The following USP25 variants were observed in gnomAD, a reference collection of about 807,000 sequenced individuals.
The protein encoded by USP25 is ubiquitin specific peptidase 25.
A neutral mutation model predicts 158.5 loss-of-function variants in USP25; 85 were observed. The observed-to-expected ratio is 0.54, with a 90% confidence interval of 0.45 to 0.64. The LOEUF (loss-of-function observed/expected upper bound fraction) is 0.64. Among genes scored for constraint, USP25 ranks in the 30% least tolerant of loss-of-function variants. The pLI, the probability that USP25 is intolerant of heterozygous loss-of-function variation, is 0.00. For synonymous variants in USP25, 464 were observed against 460.4 expected, an observed-to-expected ratio of 1.01 and a Z score of -0.10; for missense variants, 1,242 against 1,327.3, an observed-to-expected ratio of 0.94 and a Z score of 1.00.
rs1475810567 is a variant in USP25, at chr21:15,879,450, A to G, written c.*975A>G. On this transcript the variant is annotated 3_prime_UTR_variant, in exon 26 of 26. Coordinates refer to ENST00000400183, the MANE Select transcript of USP25 (RefSeq NM_001283041.3). ...CTTTAATTGAAAATGTTCTCTACTAATTAATACTGTGAAACAAAATTGATG... is the reference window on the plus strand; with the variant it reads ...CTTTAATTGAAAATGTTCTCTACTAGTTAATACTGTGAAACAAAATTGATG... The G allele has an allele frequency of 6.6e-6, 1 of 152,440 alleles. No homozygotes were observed. The highest frequency in any genetic ancestry group is 2.1e-4 in the South Asian group (1 of 4,834). The allele number at this position is 152,440 out of a possible 1,614,324, so 9.4% of individuals were successfully genotyped here. A position where few individuals can be genotyped will look rare whatever the true frequency, so the allele number is the denominator to read the frequency against.
intron 23 of USP25, among the ~76,000 whole-genome samples, chr21:15,871,099 A>G (rs887405385): frequency 6.6e-6 from 1 of 152,222 alleles, no homozygotes; most frequent in East Asian, 1.9e-4. Context: ...TCTAGAGGAC[A>G]GTACTTTCAT....
At chr21:15,867,486 A>G (rs528551069) in intron 22 of USP25, among the ~76,000 whole-genome samples, 1 of 152,242 alleles carries the variant, frequency 6.6e-6, no homozygotes, top group East Asian at 1.9e-4. Flanking sequence ...ACTGCAGCAA[A>G]TATATAGAAT....
At chr21:15,841,842 A>G (rs1294051785) in intron 17 of USP25, among the ~76,000 whole-genome samples, 1 of 152,046 alleles carries the variant, frequency 6.6e-6, no homozygotes, top group Non-Finnish European at 1.5e-5. Context: ...ACATTGTTGG[A>G]TATATAAGTC....
chr21:15,787,304 TGAACAAAAG>T (rs1205988151), intron 4 of USP25, among the ~76,000 whole-genome samples: 2 of 152,052 alleles, frequency 1.3e-5, no homozygotes, highest in Non-Finnish European at 2.9e-5. Flanking sequence ...AAAGCAAGCC[TGAACAAAAG>T]GAACAAAAGG....
At chr21:15,867,861 C>A (rs2039724731) in intron 22 of USP25, among the ~76,000 whole-genome samples, 1 of 151,982 alleles carries the variant, frequency 6.6e-6, no homozygotes, top group Non-Finnish European at 1.5e-5. Flanking sequence ...TAACAAAGAC[C>A]TAAATAAATG....
chr21:15,765,879 G>A, intron 2 of USP25, 118 bp from the exon 3 acceptor site: 2 of 939,212 alleles, frequency 2.1e-6, no homozygotes, highest in South Asian at 1.9e-5. Context: ...ATCACATATA[G>A]ATTAATTGCA....
intron 20 of USP25, among the ~76,000 whole-genome samples, chr21:15,853,346 TAC>T (rs762689867): frequency 5.1e-4 from 77 of 152,138 alleles, no homozygotes; most frequent in Middle Eastern, 6.8e-3. Flanking sequence ...CACATACATG[TAC>T]ACACACATGC....
intron 16 of USP25, 150 bp downstream of exon 16, chr21:15,831,779 A>G (rs1362785963): frequency 8.5e-6 from 6 of 704,592 alleles, no homozygotes; most frequent in African/African-American, 1.8e-5. Flanking sequence ...TTGAAAAGTA[A>G]TGTCGTCAGG....
chr21:15,825,106 T>C (rs1387215401), intron 12 of USP25, 45 bp downstream of exon 12: 1 of 1,396,320 alleles, frequency 7.2e-7, no homozygotes, highest in Admixed American at 2.3e-5. Flanking sequence ...TCAGAAACCA[T>C]GTATTTGGTG....
intron 20 of USP25, among the ~76,000 whole-genome samples, chr21:15,862,170 TA>T (rs1447442515): frequency 6.6e-6 from 1 of 152,132 alleles, no homozygotes; most frequent in African/African-American, 2.4e-5. Context: ...TATTTTGTAC[TA>T]AAGTATGATA....
intron 1 of USP25, among the ~76,000 whole-genome samples, chr21:15,751,976 G>A (rs938128266): frequency 2.6e-5 from 4 of 152,110 alleles, no homozygotes; most frequent in Admixed American, 6.5e-5. Flanking sequence ...CTCTTGTTGC[G>A]CAGGTTGGAG....
At chr21:15,847,821 A>G (rs1430662548) in intron 19 of USP25, 45 bp downstream of exon 19, 3 of 1,330,410 alleles carry the variant, frequency 2.3e-6, no homozygotes, top group Non-Finnish European at 3.2e-6. Flanking sequence ...AACTTTTGCT[A>G]TTTAATACAA....
Position 15,849,845 on chromosome 21 carries a change from G to A in USP25, c.2520G>A (p.Arg840=), listed in dbSNP as rs1288048626. The change falls in exon 20 of 26, where the codon AGG becomes AGA. Residue 840 remains arginine (R), a synonymous_variant. Transcript: ENST00000400183. Reference sequence around the variant, plus strand: ...GTAAATCCAGGAGTGTATATGACAGGTGTGGCCCTGAAGCAGGGTTCTTTA... The same window carrying A: ...GTAAATCCAGGAGTGTATATGACAGATGTGGCCCTGAAGCAGGGTTCTTTA... ...AIGKSRSVYD[R]CGPEAGFFKA... 5.9e-6 allele frequency: 9 copies of A among 1,530,840 alleles called. No individual in the cohort carries two copies. In the African/African-American group the frequency reaches 1.1e-4, roughly 19 times the overall value. 94.8% of individuals were successfully genotyped at this position (1,530,840 alleles called of 1,614,324 possible). A position where few individuals can be genotyped will look rare whatever the true frequency, so the allele number is the denominator to read the frequency against.
chr21:15,764,573 C>T (rs2033924136), intron 2 of USP25, among the ~76,000 whole-genome samples: 2 of 151,968 alleles, frequency 1.3e-5, no homozygotes, highest in Admixed American at 1.3e-4. Context: ...ATATTTTTAG[C>T]TCTAAAAAGT....
rs138646186 is a variant in USP25 at position 15,827,088 on chromosome 21, G to C, written c.1578G>C (p.Arg526=). The C allele has an allele frequency of 2.8e-5, 45 of 1,614,136 alleles. No homozygotes were observed. In the African/African-American group the frequency reaches 5.9e-4, roughly 21 times the overall value. The change falls in exon 14 of 26, where the codon CGG becomes CGC. Residue 526 remains arginine, a synonymous_variant. Transcript: ENST00000400183. ...TACACAAACCATTTACTCAGTCCCGGATACCTCCAGATTTGCCCATGCATC... is the reference window on the plus strand; with the variant it reads ...TACACAAACCATTTACTCAGTCCCGCATACCTCCAGATTTGCCCATGCATC... ...SVIHKPFTQS[R]IPPDLPMHPA...
Position 15,730,343 on chromosome 21 carries a change from C to T in USP25, c.-51C>T, listed in dbSNP as rs1221505718. 1.3e-5 allele frequency: 15 copies of T among 1,125,230 alleles called. No homozygotes were observed. The Admixed American group carries it at 5.1e-4, about 38-fold the overall frequency. The allele number at this position is 1,125,230 out of a possible 1,614,324, so 69.7% of individuals were successfully genotyped here. A position where few individuals can be genotyped will look rare whatever the true frequency, so the allele number is the denominator to read the frequency against. ...GCGCGGCAGCCAGGGCCGGCGGAGG[C>T]GCGAGGAGCCGGGCGCCACCGCCGC... On this transcript the variant is annotated 5_prime_UTR_variant, in exon 1 of 26. Transcript: ENST00000400183.
chr21:15,832,817 G>C (rs1315561672), intron 16 of USP25, among the ~76,000 whole-genome samples: 2 of 152,082 alleles, frequency 1.3e-5, no homozygotes, highest in Non-Finnish European at 2.9e-5. Context: ...AGGAGATCGA[G>C]ACCATCCTGG....
intron 4 of USP25, among the ~76,000 whole-genome samples, chr21:15,783,724 A>G (rs1386123588): frequency 6.6e-6 from 1 of 151,924 alleles, no homozygotes; most frequent in Non-Finnish European, 1.5e-5. Flanking sequence ...TTGGGAGGCC[A>G]AAGCAGGCAG....
At position 15,751,765 on chromosome 21, in the gene USP25, C is replaced by T. The variant is rs1269236904; in HGVS notation, c.46-11126C>T. On this transcript the variant is annotated intron_variant, in intron 1 of 25. Coordinates refer to ENST00000400183, the MANE Select transcript of USP25 (RefSeq NM_001283041.3). ...TGAAAATACATGTTCCCATAGAAAC[C>T]ATGTTTCCTGGTGGTGTGTTCTTAT... is the stretch of plus-strand genomic sequence containing the variant. 2.0e-5 allele frequency among the ~76,000 whole-genome samples: 3 copies of T among 152,072 alleles called. No homozygotes were observed. In the East Asian group the frequency reaches 5.8e-4, roughly 29 times the overall value.
Sources: gnomAD v4.1 joint callset for allele counts (sites outside exome capture counted in the v4.1 genomes callset) on GRCh38, gnomAD v4.1.1 for gene constraint, MANE v1.5 for transcripts, NCBI Gene and HGNC (gene_info 2026-07-23, HGNC 2026-07-21) for gene names.